Variants in SOX5 observed in about 807,000 individuals in gnomAD.
The protein encoded by SOX5 is SRY-box transcription factor 5, also known as transcription factor SOX-5.
In SOX5, 9 loss-of-function variants were observed where a neutral mutation model predicts 92.0. The ratio of observed to expected loss-of-function variants is 0.10; its 90% CI spans 0.06 to 0.17. The LOEUF (loss-of-function observed/expected upper bound fraction) is 0.17. SOX5 is among the 10% of genes least tolerant of loss of function. The probability of loss-of-function intolerance (pLI) is 1.00; values close to 1 mark genes in which losing one functional copy is unlikely to be tolerated. For missense variants in SOX5, 642 were observed against 944.5 expected (o/e 0.68, Z 4.20); for synonymous variants, 344 against 336.3 (o/e 1.02, Z -0.25).
At chr12:24,161,942 T>A (rs1025724935) in intron 4 of SOX5, among the ~76,000 whole-genome samples, 1 of 152,026 alleles carries the variant, frequency 6.6e-6, no homozygotes, top group Non-Finnish European at 1.5e-5. Context: ...GATACAAAAA[T>A]ATGGTTTTGA....
At chr12:24,412,913 G>A (rs1308854802) in intron 1 of SOX5, among the ~76,000 whole-genome samples, 7 of 150,762 alleles carry the variant, frequency 4.6e-5, no homozygotes, top group South Asian at 4.2e-4. Flanking sequence ...CCACCACCAC[G>A]CCCGGCTAAT....
At chr12:23,981,105 T>A (rs1949531450) in intron 4 of SOX5, among the ~76,000 whole-genome samples, 1 of 152,114 alleles carries the variant, frequency 6.6e-6, no homozygotes, top group Non-Finnish European at 1.5e-5. Flanking sequence ...GAATTATATC[T>A]ATATGGTAGG....
In SOX5 at chr12:23,945,853, G is replaced by A. The variant is rs557687136; in HGVS notation, c.38+3711C>T. Among the ~76,000 whole-genome samples, 238 of 152,014 alleles carry A rather than the reference G, an allele frequency of 1.6e-3. 2 individuals are homozygous for A. The highest frequency in any genetic ancestry group is 5.3e-3 in the African/African-American group (219 of 41,482). On this transcript the variant is annotated intron_variant, in intron 1 of 14. Transcript: ENST00000451604. ...CGGATTTTTTTGTTGTTGTTGTTAA[G>A]GTTTTTAATTAAGCAAAATATATCT... is the stretch of plus-strand genomic sequence containing the variant.
At chr12:24,146,333 C>G (rs974558717) in intron 4 of SOX5, among the ~76,000 whole-genome samples, 26 of 152,048 alleles carry the variant, frequency 1.7e-4, no homozygotes, top group Non-Finnish European at 2.9e-4. Flanking sequence ...AGTATAATAT[C>G]AGGAACATCC....
rs902413420 is a variant in SOX5, at chr12:24,034,308, G to T, written c.-1-138284C>A. 5.3e-5 allele frequency among the ~76,000 whole-genome samples: 8 copies of T among 151,898 alleles called. 1 individual carries two copies. The highest frequency in any genetic ancestry group is 1.2e-4 in the Non-Finnish European group (8 of 67,942). ...AAGGCAGATTATTAACTTTTAAAAT[G>T]AAGCTACTTGTTTCTCTCCCCTCTC... On this transcript the variant is annotated intron_variant, in intron 4 of 4. Transcript: ENST00000446891.
chr12:24,354,696 T>C (rs533569449), intron 2 of SOX5, among the ~76,000 whole-genome samples: 15 of 152,234 alleles, frequency 9.9e-5, no homozygotes, highest in South Asian at 2.1e-4. Flanking sequence ...AGATAAATGA[T>C]AGGAAAGGTG....
chr12:23,838,905 T>C (rs2135850391), intron 3 of SOX5, among the ~76,000 whole-genome samples: 1 of 144,274 alleles, frequency 6.9e-6, no homozygotes, highest in African/African-American at 2.5e-5. Flanking sequence ...AGTGGCACCA[T>C]CTTGGCTCAC....
chr12:24,068,719 T>TAC (rs1941252208), intron 4 of SOX5, among the ~76,000 whole-genome samples: 1 of 71,418 alleles, frequency 1.4e-5, no homozygotes, highest in African/African-American at 5.3e-5. Flanking sequence ...TATATATATA[T>TAC]ATATATATAT....
intron 4 of SOX5, among the ~76,000 whole-genome samples, chr12:23,973,402 A>G (rs1316370018): frequency 6.6e-6 from 1 of 151,584 alleles, no homozygotes; most frequent in East Asian, 1.9e-4. Context: ...CTCATGATCC[A>G]CCCACCTCGG....
chr12:24,071,149 TTAAA>T (rs1199079559), intron 4 of SOX5, among the ~76,000 whole-genome samples: 12 of 152,218 alleles, frequency 7.9e-5, no homozygotes, highest in African/African-American at 2.4e-4. Context: ...TTTATTATAC[TTAAA>T]TAATTAGTTA....
intron 1 of SOX5, among the ~76,000 whole-genome samples, chr12:23,923,391 T>C (rs1185673571): frequency 1.3e-5 from 2 of 152,128 alleles, no homozygotes; most frequent in Non-Finnish European, 2.9e-5. Context: ...ATACAATAGC[T>C]AGAGACTAGA....
At chr12:24,050,530 C>T (rs1957465302) in intron 4 of SOX5, among the ~76,000 whole-genome samples, 3 of 152,026 alleles carry the variant, frequency 2.0e-5, no homozygotes, top group South Asian at 2.1e-4. Flanking sequence ...AAAAGATCCA[C>T]AAAATTGAAT....
rs1945779175 is a variant in SOX5 at position 23,559,253 on chromosome 12, A to G, written c.1488+4005T>C. Among the ~76,000 whole-genome samples the G allele has an allele frequency of 2.0e-5, 3 of 152,208 alleles. No individual in the cohort carries two copies. The South Asian group carries it at 6.2e-4, about 31-fold the overall frequency. On this transcript the variant is annotated intron_variant, in intron 11 of 14. Coordinates refer to ENST00000451604, the MANE Select transcript of SOX5 (RefSeq NM_006940.6). ...AAGTGTGTTTTTTACAAAACAAAAT[A>G]TGAGAGGCTTCTTTCTGTTCCTTCA...
intron 1 of SOX5, among the ~76,000 whole-genome samples, chr12:24,428,747 A>AAAAAAAAAAAC (rs1967041175): frequency 6.7e-6 from 1 of 149,158 alleles, no homozygotes; most frequent in Non-Finnish European, 1.5e-5. Context: ...AAAAAAAAAA[A>AAAAAAAAAAAC]AAAAAAAAAA....
At chr12:23,670,848 C>T (rs1438171828) in intron 6 of SOX5, among the ~76,000 whole-genome samples, 3 of 152,024 alleles carry the variant, frequency 2.0e-5, no homozygotes, top group Non-Finnish European at 4.4e-5. Context: ...ATGCCAAGAC[C>T]TTAGGTGAGA....
chr12:24,240,459 C>T (rs2140055366), intron 3 of SOX5, among the ~76,000 whole-genome samples: 1 of 152,272 alleles, frequency 6.6e-6, no homozygotes, highest in Non-Finnish European at 1.5e-5. Context: ...TTTGGCTATG[C>T]TGTATCTTGA....
chr12:23,576,403 T>C (rs1405819975), intron 9 of SOX5, among the ~76,000 whole-genome samples: 1 of 152,204 alleles, frequency 6.6e-6, no homozygotes, highest in Non-Finnish European at 1.5e-5. Context: ...CAGAAACACC[T>C]TTGAATTTGA....
At chr12:23,551,644 G>T (rs1054357588) in intron 11 of SOX5, among the ~76,000 whole-genome samples, 3 of 151,796 alleles carry the variant, frequency 2.0e-5, no homozygotes, top group African/African-American at 7.2e-5. Context: ...TGGTATTCTG[G>T]AATTTAATAA....
intron 1 of SOX5, among the ~76,000 whole-genome samples, chr12:23,939,140 C>G (rs1490922604): frequency 6.6e-6 from 1 of 150,880 alleles, no homozygotes; most frequent in Non-Finnish European, 1.5e-5. Flanking sequence ...GGCTGAAACC[C>G]AAACGATGCA....
Sources: gnomAD v4.1 joint callset for allele counts (sites outside exome capture counted in the v4.1 genomes callset) on GRCh38, gnomAD v4.1.1 for gene constraint, MANE v1.5 for transcripts, NCBI Gene and HGNC (gene_info 2026-07-23, HGNC 2026-07-21) for gene names.